Variants in SLC44A5 observed in about 807,000 individuals in gnomAD.
SLC44A5 encodes the protein choline transporter-like protein 5.
Under a neutral mutation model 101.8 loss-of-function variants are expected in SLC44A5, and 57 were observed. The observed-to-expected ratio is 0.56, with a 90% CI of 0.45 to 0.70. SLC44A5 has a LOEUF of 0.70. Ranked by LOEUF, SLC44A5 falls within the 30% of genes least tolerant of loss-of-function variation. SLC44A5 has a pLI of 0.00. For synonymous variants in SLC44A5, 281 were observed against 290.9 expected (o/e 0.97, Z 0.35); for missense variants, 737 against 853.1 (o/e 0.86, Z 1.70).
chr1:75,720,657 G>T, the SLC44A5 span, among the ~76,000 whole-genome samples: 1 of 152,140 alleles, frequency 6.6e-6, no homozygotes, highest in Non-Finnish European at 1.5e-5. Flanking sequence ...TAAAATATTT[G>T]AAGAGATTTA....
At chr1:75,457,538 G>T (rs1254877475) in intron 2 of SLC44A5, among the ~76,000 whole-genome samples, 1 of 152,114 alleles carries the variant, frequency 6.6e-6, no homozygotes, top group Admixed American at 6.6e-5. Flanking sequence ...TGGAAGCTAG[G>T]TTGTGCAATA....
intron 1 of SLC44A5, among the ~76,000 whole-genome samples, chr1:75,556,571 AC>A: frequency 6.6e-6 from 1 of 152,146 alleles, no homozygotes; most frequent in Non-Finnish European, 1.5e-5. Flanking sequence ...TGAAGTAGGT[AC>A]TATTAACATT....
chr1:75,383,368 T>C (rs1661040202), intron 3 of SLC44A5, among the ~76,000 whole-genome samples: 1 of 149,906 alleles, frequency 6.7e-6, no homozygotes, highest in African/African-American at 2.5e-5. Flanking sequence ...TCTTTCTCTA[T>C]ACTTTGTCTC....
At chr1:75,717,792 C>G in the SLC44A5 span, among the ~76,000 whole-genome samples, 1 of 152,114 alleles carries the variant, frequency 6.6e-6, no homozygotes, top group Non-Finnish European at 1.5e-5. Flanking sequence ...TACAACACTG[C>G]CAAAAGTTCG....
chr1:75,234,171 C>CT, intron 11 of SLC44A5, 73 bp from the exon 12 acceptor site: 1 of 998,618 alleles, frequency 1.0e-6, no homozygotes, highest in Non-Finnish European at 1.5e-6. Context: ...CAAGACAAAA[C>CT]TTTTTTTCTA....
intron 1 of SLC44A5, among the ~76,000 whole-genome samples, chr1:75,563,048 T>C (rs1450159726): frequency 2.0e-5 from 3 of 152,180 alleles, no homozygotes; most frequent in African/African-American, 7.2e-5. Flanking sequence ...ATCATTACAT[T>C]CTGTGGATTT....
chr1:75,430,910 C>T (rs545078445), intron 2 of SLC44A5, among the ~76,000 whole-genome samples: 2 of 152,236 alleles, frequency 1.3e-5, no homozygotes, highest in Non-Finnish European at 2.9e-5. Context: ...TCTCTTGTAA[C>T]TTTGCCCAAG....
chr1:75,343,392 T>C (rs532663695), intron 3 of SLC44A5, among the ~76,000 whole-genome samples: 7 of 152,238 alleles, frequency 4.6e-5, no homozygotes, highest in East Asian at 1.9e-4. Flanking sequence ...ATTCAATTCA[T>C]AGGGGCAGAT....
chr1:75,592,582 T>C (rs1472557913), intron 1 of SLC44A5, among the ~76,000 whole-genome samples: 1 of 152,128 alleles, frequency 6.6e-6, no homozygotes, highest in African/African-American at 2.4e-5. Context: ...TCACATTACC[T>C]GATTTCAAAT....
chr1:75,405,491 AT>A (rs1557751213), intron 2 of SLC44A5, among the ~76,000 whole-genome samples: 1 of 152,222 alleles, frequency 6.6e-6, no homozygotes, highest in Non-Finnish European at 1.5e-5. Flanking sequence ...AAGAATGGAA[AT>A]CATAACAAAC....
intron 7 of SLC44A5, among the ~76,000 whole-genome samples, chr1:75,247,572 A>C (rs1649217157): frequency 6.6e-6 from 1 of 152,086 alleles, no homozygotes; most frequent in Non-Finnish European, 1.5e-5. Context: ...GACTTAGAAA[A>C]GGACCAAGCT....
At chr1:75,230,140 A>G (rs1443891479) in intron 12 of SLC44A5, among the ~76,000 whole-genome samples, 1 of 152,052 alleles carries the variant, frequency 6.6e-6, no homozygotes, top group Non-Finnish European at 1.5e-5. Context: ...TTTTATTTTG[A>G]AAAGTTCTAT....
Position 75,227,774 on chromosome 1 carries a change from T to G in SLC44A5, c.937A>C (p.Thr313Pro). Residue 313 changes from threonine (T) to proline (P), a missense_variant, in exon 13 of 24, where the codon ACT (threonine) becomes CCT (proline). This residue lies in a region of SLC44A5 where 665 missense variants were observed against 764.4 expected (regional missense o/e 0.87). Transcript: ENST00000370859. Reference sequence around the variant, plus strand: ...AGTTCAAAGTACATGCTTATGTTAGTCTGAATCCCGATGTCATAGATAGTT... The same window carrying G: ...AGTTCAAAGTACATGCTTATGTTAGGCTGAATCCCGATGTCATAGATAGTT... ...VLTIYDIGIQ[T>P]NISMYFELQQ... 1 of 1,592,012 alleles carries G rather than the reference T, an allele frequency of 6.3e-7. No homozygotes were observed. Among genetic ancestry groups the G allele is most frequent in the Non-Finnish European group, 8.5e-7 (1 of 1,173,978 alleles).
rs554940141 is a variant in SLC44A5, at chr1:75,243,178, A to G, written c.346-167T>C. 2.0e-5 allele frequency among the ~76,000 whole-genome samples: 3 copies of G among 151,892 alleles called. No individual in the cohort carries two copies. The East Asian group carries it at 5.8e-4, about 29-fold the overall frequency. On this transcript the variant is annotated intron_variant, in intron 7 of 23. Coordinates refer to ENST00000370859, the MANE Select transcript of SLC44A5 (RefSeq NM_001130058.2). Reference sequence around the variant, plus strand: ...CTCTCTCTCTTTTTCTTTCTTTTTTATTTTTTTAGAGACAGTGGCATGACC... The same window carrying G: ...CTCTCTCTCTTTTTCTTTCTTTTTTGTTTTTTTAGAGACAGTGGCATGACC...
At chr1:75,665,533 C>T in the SLC44A5 span, among the ~76,000 whole-genome samples, 1 of 152,176 alleles carries the variant, frequency 6.6e-6, no homozygotes, top group Non-Finnish European at 1.5e-5. Context: ...CTATTCTGGA[C>T]ATCAGCCTGG....
intron 10 of SLC44A5, among the ~76,000 whole-genome samples, chr1:75,238,282 A>G (rs926163770): frequency 6.7e-6 from 1 of 150,184 alleles, no homozygotes; most frequent in Admixed American, 6.7e-5. Flanking sequence ...GGGCAACAGA[A>G]AAAAGCATCA....
intron 2 of SLC44A5, among the ~76,000 whole-genome samples, chr1:75,426,178 G>A (rs946097677): frequency 9.2e-5 from 14 of 152,180 alleles, no homozygotes; most frequent in Non-Finnish European, 2.9e-5. Context: ...TTACACAGGG[G>A]AGGAGAGGAA....
chr1:75,449,638 C>T (rs1665781888), intron 2 of SLC44A5, among the ~76,000 whole-genome samples: 1 of 152,262 alleles, frequency 6.6e-6, no homozygotes, highest in Non-Finnish European at 1.5e-5. Context: ...TTATAGAAAT[C>T]TATTTAACCC....
At chr1:75,722,629 AC>A in the SLC44A5 span, among the ~76,000 whole-genome samples, 1 of 152,118 alleles carries the variant, frequency 6.6e-6, no homozygotes, top group Non-Finnish European at 1.5e-5. Flanking sequence ...TGCTCCTGTT[AC>A]CCAAAAAATA....
Sources: allele counts gnomAD v4.1 joint callset (sites outside exome capture counted in the v4.1 genomes callset), GRCh38; gene constraint gnomAD v4.1.1; regional missense constraint gnomAD v4.1.1; transcripts MANE v1.5; gene names NCBI Gene and HGNC (gene_info 2026-07-23, HGNC 2026-07-21).